Variants in TRPM3 observed in about 807,000 individuals in gnomAD.
The protein encoded by TRPM3 is long transient receptor potential channel 3.
Under a neutral mutation model 181.2 loss-of-function variants are expected in TRPM3, and 77 were observed. The observed-to-expected ratio is 0.42, with a 90% confidence interval of 0.35 to 0.51. The LOEUF (loss-of-function observed/expected upper bound fraction) is 0.51, where lower values mean the gene tolerates loss of function less well. Among genes scored for constraint, TRPM3 ranks in the 20% least tolerant of loss-of-function variants. The pLI is 0.01. For missense variants in TRPM3, 1,759 were observed against 2,196.7 expected, an observed-to-expected ratio of 0.80 and a Z score of 3.98; for synonymous variants, 745 against 796.4, an observed-to-expected ratio of 0.94 and a Z score of 1.09.
At position 71,099,388 on chromosome 9, in the gene TRPM3, G is replaced by A. The variant is rs117195289; in HGVS notation, c.177+21790C>T. On this transcript the variant is annotated intron_variant, in intron 1 of 25. Transcript: ENST00000677713. ...ATTTCAACACATAAATTTTGGGGGG[G>A]TATACACATTCAGACCATATCAGTC... 4.9e-3 allele frequency among the ~76,000 whole-genome samples: 743 copies of A among 152,266 alleles called. 18 individuals are homozygous for A. In the East Asian group the frequency reaches 0.077, roughly 16 times the overall value.
intron 1 of TRPM3, among the ~76,000 whole-genome samples, chr9:71,144,579 C>T (rs143902493): frequency 2.8e-4 from 42 of 152,222 alleles, no homozygotes; most frequent in African/African-American, 9.9e-4. Context: ...TTTCCCTCAT[C>T]TGGGTCAATT....
At chr9:70,898,411 C>T (rs1242397074) in intron 1 of TRPM3, among the ~76,000 whole-genome samples, 3 of 150,830 alleles carry the variant, frequency 2.0e-5, no homozygotes, top group African/African-American at 7.3e-5. Flanking sequence ...CGTGAGCCAC[C>T]GCGCCCGGCC....
chr9:71,032,816 C>T (rs537734000), intron 1 of TRPM3, among the ~76,000 whole-genome samples: 1 of 152,314 alleles, frequency 6.6e-6, no homozygotes, highest in East Asian at 1.9e-4. Context: ...CTAGAATCTG[C>T]AAGGAAGTAA....
At chr9:70,700,636 C>T (rs888756195) in intron 8 of TRPM3, among the ~76,000 whole-genome samples, 13 of 152,158 alleles carry the variant, frequency 8.5e-5, no homozygotes, top group African/African-American at 2.7e-4. Flanking sequence ...TATAGGCTGT[C>T]AACAGCTTTT....
At position 70,589,101 on chromosome 9, in the gene TRPM3, T is replaced by A. The variant is rs75356238; in HGVS notation, c.3223+1930A>T. Among the ~76,000 whole-genome samples the A allele has an allele frequency of 4.5e-3, 680 of 152,336 alleles. 5 individuals carry two copies. The highest frequency in any genetic ancestry group is 0.015 in the African/African-American group (626 of 41,584). ...TGAGGTTTGGAGTCGAAATTTATTC[T>A]CACACACGTAGAGCTCCACAGATCT... On this transcript the variant is annotated intron_variant, in intron 22 of 25. Transcript: ENST00000677713.
At chr9:70,563,316 A>G in intron 22 of TRPM3, among the ~76,000 whole-genome samples, 1 of 152,294 alleles carries the variant, frequency 6.6e-6, no homozygotes, top group South Asian at 2.1e-4. Context: ...TCTGAGCTCA[A>G]TACGTGCTTA....
At chr9:71,187,535 A>T (rs1469184422) in intron 1 of TRPM3, among the ~76,000 whole-genome samples, 1 of 151,948 alleles carries the variant, frequency 6.6e-6, no homozygotes, top group East Asian at 1.9e-4. Flanking sequence ...TCTGGGAAAA[A>T]CTGGGATAGG....
intron 6 of TRPM3, among the ~76,000 whole-genome samples, chr9:70,790,425 A>C (rs536801026): frequency 9.2e-5 from 14 of 152,288 alleles, no homozygotes; most frequent in African/African-American, 3.4e-4. Context: ...TTACTAGCTA[A>C]AGCATGTCCC....
At chr9:71,397,851 T>C (rs561283672) in intron 1 of TRPM3, among the ~76,000 whole-genome samples, 13 of 152,328 alleles carry the variant, frequency 8.5e-5, no homozygotes, top group Admixed American at 2.0e-4. Context: ...TTAGAGATTT[T>C]TTAAGTTAGC....
At chr9:70,670,800 G>C (rs148423941) in intron 9 of TRPM3, among the ~76,000 whole-genome samples, 20 of 152,268 alleles carry the variant, frequency 1.3e-4, no homozygotes, top group Middle Eastern at 6.8e-3. Flanking sequence ...CGCCCTTAAA[G>C]AGCTAGCAAT....
chr9:71,102,025 C>T (rs1444068599), intron 1 of TRPM3, among the ~76,000 whole-genome samples: 2 of 152,174 alleles, frequency 1.3e-5, no homozygotes. Flanking sequence ...GGAGTTCCAG[C>T]ATGCTTTTTT....
At position 70,535,595 on chromosome 9, in the gene TRPM3, A is replaced by G; in HGVS notation, c.*358T>C. The G allele has an allele frequency of 4.7e-6, 7 of 1,498,522 alleles. No homozygotes were observed. The highest frequency in any genetic ancestry group is 5.3e-6 in the Non-Finnish European group (6 of 1,128,586). 92.8% of individuals were successfully genotyped at this position (1,498,522 alleles called of 1,614,324 possible). ...AACTCTTGATAATGGTCAGAAATCAACAGATGCCTCCTGGCATGGAGCGTG... is the reference window on the plus strand; with the variant it reads ...AACTCTTGATAATGGTCAGAAATCAGCAGATGCCTCCTGGCATGGAGCGTG... On this transcript the variant is annotated 3_prime_UTR_variant, in exon 26 of 26. Transcript: ENST00000677713.
chr9:70,794,005 C>T (rs1459967252), intron 6 of TRPM3, among the ~76,000 whole-genome samples: 1 of 152,078 alleles, frequency 6.6e-6, no homozygotes, highest in Non-Finnish European at 1.5e-5. Context: ...AACTTAAAAT[C>T]GTTTGATTGG....
At chr9:70,567,286 T>C (rs1218068400) in intron 22 of TRPM3, among the ~76,000 whole-genome samples, 1 of 152,262 alleles carries the variant, frequency 6.6e-6, no homozygotes, top group African/African-American at 2.4e-5. Context: ...AGGGTAGATT[T>C]AAATTCTCAT....
chr9:70,837,866 A>G (rs904233549), intron 5 of TRPM3, among the ~76,000 whole-genome samples: 1 of 152,084 alleles, frequency 6.6e-6, no homozygotes, highest in African/African-American at 2.4e-5. Flanking sequence ...ATCACTGAAT[A>G]TTTTCTTACA....
chr9:70,625,500 G>T lies in TRPM3; in HGVS notation c.1650C>A (p.Phe550Leu), dbSNP rs201162468. The T allele has an allele frequency of 6.2e-7, 1 of 1,612,492 alleles. No individual in the cohort carries two copies. The highest frequency in any genetic ancestry group is 8.5e-7 in the Non-Finnish European group (1 of 1,179,504). The stretch of plus-strand genomic sequence containing the variant: ...AATTCACCTTAAAATAGATCCAACC[G>T]AAACCTGGATACTCTCGCTTGGAAA... ...RDVKKREYPG[F>L]GWIYFKGNLP... The change falls in exon 13 of 26, where the codon TTC (phenylalanine) becomes TTA (leucine). Residue 550 changes from phenylalanine (F) to leucine (L), a missense_variant. Phe to Leu is a conservative substitution (Grantham distance 22). Transcript: ENST00000677713. This position sits in a 1 kb window ranked among gnomAD's most constrained non-coding sequence, Gnocchi z 4.8.
At chr9:71,386,910 A>G (rs1453478755) in intron 1 of TRPM3, among the ~76,000 whole-genome samples, 2 of 152,208 alleles carry the variant, frequency 1.3e-5, no homozygotes, top group Non-Finnish European at 2.9e-5. Flanking sequence ...ACAAACATTT[A>G]TCCTTTTCTA....
chr9:70,814,396 T>C (rs912340107), intron 6 of TRPM3, among the ~76,000 whole-genome samples: 8 of 152,172 alleles, frequency 5.3e-5, no homozygotes, highest in African/African-American at 1.9e-4. Context: ...TCTCATGATA[T>C]GGATGTAAAC....
intron 1 of TRPM3, among the ~76,000 whole-genome samples, chr9:70,967,871 A>G (rs1431771541): frequency 6.6e-6 from 1 of 152,128 alleles, no homozygotes; most frequent in Non-Finnish European, 1.5e-5. Context: ...CACTGTGGAT[A>G]AAGCTAATTC....
Sources: allele counts gnomAD v4.1 joint callset (sites outside exome capture counted in the v4.1 genomes callset), GRCh38; gene constraint gnomAD v4.1.1; non-coding constraint Gnocchi (gnomAD v3.1); transcripts MANE v1.5; gene names NCBI Gene and HGNC (gene_info 2026-07-23, HGNC 2026-07-21).